Variants in ADAMTS19 observed in about 807,000 individuals in gnomAD.
ADAMTS19 encodes the protein ADAM metallopeptidase with thrombospondin type 1 motif 19, also known as A disintegrin and metalloproteinase with thrombospondin motifs 19.
A neutral mutation model predicts 153.3 loss-of-function variants in ADAMTS19; 93 were observed. That is an observed-to-expected ratio of 0.61 (90% CI 0.51 to 0.72). The LOEUF (loss-of-function observed/expected upper bound fraction) is 0.72. ADAMTS19 is among the 30% of genes least tolerant of loss of function. The pLI is 0.00. For missense variants in ADAMTS19, 1,482 were observed against 1,552.1 expected, an observed-to-expected ratio of 0.95 and a Z score of 0.76; for synonymous variants, 600 against 556.6, an observed-to-expected ratio of 1.08 and a Z score of -1.10.
intron 13 of ADAMTS19, among the ~76,000 whole-genome samples, chr5:129,651,963 CAA>C (rs1458741252): frequency 2.0e-5 from 3 of 151,772 alleles, no homozygotes; most frequent in African/African-American, 7.2e-5. Context: ...TTAATAATGT[CAA>C]GTTTATTTGA....
chr5:129,733,359 G>A (rs1001785186), intron 21 of ADAMTS19, among the ~76,000 whole-genome samples: 12 of 151,908 alleles, frequency 7.9e-5, no homozygotes, highest in Non-Finnish European at 1.6e-4. Context: ...AATCAGCAGA[G>A]TATACAGAAA....
At chr5:129,673,079 T>C (rs778246589) in intron 16 of ADAMTS19, among the ~76,000 whole-genome samples, 15 of 152,082 alleles carry the variant, frequency 9.9e-5, no homozygotes, top group Non-Finnish European at 2.1e-4. Context: ...TGTCTATTTT[T>C]CTTAGATAAG....
chr5:129,661,388 C>A (rs1753807754), intron 15 of ADAMTS19, among the ~76,000 whole-genome samples: 1 of 152,206 alleles, frequency 6.6e-6, no homozygotes, highest in African/African-American at 2.4e-5. Flanking sequence ...AATTCTATCA[C>A]AGGCACCATC....
chr5:129,549,956 G>GTATA lies in ADAMTS19; in HGVS notation c.1329-1905_1329-1904insATAT, dbSNP rs1337817944. ...TATACATATACATGTATCTGTATAT[G>GTATA]TATGTATCTAGATATACATATACAT... On this transcript the variant is annotated intron_variant, in intron 6 of 22. Transcript: ENST00000274487. Among the ~76,000 whole-genome samples the GTATA allele has an allele frequency of 4.0e-5, 5 of 124,890 alleles. No individual in the cohort carries two copies. The Admixed American group carries it at 4.1e-4, about 10-fold the overall frequency. The allele number at this position is 124,890 out of a possible 152,430, so 81.9% of individuals were successfully genotyped here. A position where few individuals can be genotyped will look rare whatever the true frequency, so the allele number is the denominator to read the frequency against.
chr5:129,591,848 A>G (rs1750149129), intron 7 of ADAMTS19, among the ~76,000 whole-genome samples: 1 of 152,064 alleles, frequency 6.6e-6, no homozygotes, highest in Admixed American at 6.6e-5. Context: ...TTTTGTTAGA[A>G]TGCATCCATC....
chr5:129,643,382 A>AAAAAAAAAAAAAAAAG (rs1554101887), intron 11 of ADAMTS19, among the ~76,000 whole-genome samples: 38 of 142,754 alleles, frequency 2.7e-4, no homozygotes, highest in African/African-American at 3.4e-4. Context: ...AAAAAAAAAA[A>AAAAAAAAAAAAAAAAG]AAAAGAAAAA....
At chr5:129,539,244 G>C (rs1261551541) in intron 6 of ADAMTS19, among the ~76,000 whole-genome samples, 2 of 152,012 alleles carry the variant, frequency 1.3e-5, no homozygotes, top group Admixed American at 6.6e-5. Context: ...ATATTTGAGT[G>C]GTTCAGTGTA....
At chr5:129,585,579 T>G (rs1749740990) in intron 7 of ADAMTS19, among the ~76,000 whole-genome samples, 1 of 152,198 alleles carries the variant, frequency 6.6e-6, no homozygotes, top group Non-Finnish European at 1.5e-5. Context: ...TTAACATTAA[T>G]GTTTTATGTA....
chr5:129,509,355 TTAATTAG>T lies in ADAMTS19; in HGVS notation c.913+117_913+123del, dbSNP rs1261180154. On this transcript the variant is annotated intron_variant, in intron 3 of 22. Coordinates refer to ENST00000274487, the MANE Select transcript of ADAMTS19 (RefSeq NM_133638.6). ...TTACTTATTTTTAATGTAGAATCTT[TTAATTAG>T]TAACAATTAAATGTATCAATTATAG... The T allele has an allele frequency of 4.1e-6, 4 of 975,038 alleles. No individual in the cohort carries two copies. In the Admixed American group the frequency reaches 1.2e-4, roughly 28 times the overall value. 60.4% of individuals were successfully genotyped at this position (975,038 alleles called of 1,614,324 possible).
chr5:129,542,867 A>G (rs1752703541), intron 6 of ADAMTS19, among the ~76,000 whole-genome samples: 1 of 152,118 alleles, frequency 6.6e-6, no homozygotes, highest in Non-Finnish European at 1.5e-5. Flanking sequence ...CTACTTTTCA[A>G]CATCCATTCT....
At chr5:129,474,309 G>A (rs1750157697) in intron 2 of ADAMTS19, among the ~76,000 whole-genome samples, 1 of 151,948 alleles carries the variant, frequency 6.6e-6, no homozygotes, top group South Asian at 2.1e-4. Context: ...ATCAGTTGGT[G>A]GGCATTTGGA....
Position 129,460,332 on chromosome 5 carries a change from C to G in ADAMTS19, c.-60C>G, listed in dbSNP as rs1000963252. The G allele has an allele frequency of 1.8e-5, 27 of 1,501,364 alleles. 1 individual carries two copies. The highest frequency in any genetic ancestry group is 1.8e-4 in the African/African-American group (13 of 72,456). The allele number at this position is 1,501,364 out of a possible 1,614,324, so 93.0% of individuals were successfully genotyped here. The stretch of plus-strand genomic sequence containing the variant: ...GCGCTCCGGGGAGGCCGCTGCGCCC[C>G]GGAGTGGATCGCGCTGGAGGCGTGC... On this transcript the variant is annotated 5_prime_UTR_variant, in exon 1 of 23. Coordinates refer to ENST00000274487, the MANE Select transcript of ADAMTS19 (RefSeq NM_133638.6).
chr5:129,568,364 G>T (rs1414482471), intron 7 of ADAMTS19, among the ~76,000 whole-genome samples: 1 of 11,524 alleles, frequency 8.7e-5, no homozygotes, highest in East Asian at 1.6e-3. Context: ...GTAATACATG[G>T]GGGGGGATAA....
chr5:129,575,722 G>A (rs1261204715), intron 7 of ADAMTS19, among the ~76,000 whole-genome samples: 1 of 152,012 alleles, frequency 6.6e-6, no homozygotes, highest in Non-Finnish European at 1.5e-5. Context: ...TACCATGTAT[G>A]ACTTTTTGAT....
At chr5:129,470,658 G>A (rs956129179) in intron 2 of ADAMTS19, among the ~76,000 whole-genome samples, 2 of 152,126 alleles carry the variant, frequency 1.3e-5, no homozygotes, top group African/African-American at 4.8e-5. Context: ...GTACCTTAGG[G>A]ATTAGATAGT....
At chr5:129,734,386 C>G (rs1017387497) in intron 21 of ADAMTS19, among the ~76,000 whole-genome samples, 2 of 151,898 alleles carry the variant, frequency 1.3e-5, no homozygotes, top group African/African-American at 4.8e-5. Context: ...ATCATCTAAT[C>G]TACCAAGAAA....
At chr5:129,626,114 G>A (rs1212433990) in intron 10 of ADAMTS19, among the ~76,000 whole-genome samples, 1 of 152,118 alleles carries the variant, frequency 6.6e-6, no homozygotes, top group Non-Finnish European at 1.5e-5. Flanking sequence ...GTCTAGAGCA[G>A]TTAAATAATA....
At chr5:129,516,040 T>C (rs1164910600) in intron 3 of ADAMTS19, among the ~76,000 whole-genome samples, 1 of 151,938 alleles carries the variant, frequency 6.6e-6, no homozygotes, top group African/African-American at 2.4e-5. Flanking sequence ...TCAATTGACA[T>C]GATCATATGG....
intron 6 of ADAMTS19, among the ~76,000 whole-genome samples, chr5:129,537,885 G>T (rs868853066): frequency 5.0e-4 from 76 of 151,936 alleles, no homozygotes; most frequent in African/African-American, 1.7e-3. Flanking sequence ...ATGCAAACCT[G>T]CACGTTGTGC....
Sources: allele counts gnomAD v4.1 joint callset (sites outside exome capture counted in the v4.1 genomes callset), GRCh38; gene constraint gnomAD v4.1.1; transcripts MANE v1.5; gene names NCBI Gene and HGNC (gene_info 2026-07-23, HGNC 2026-07-21).